ACBD4: variants seen among roughly 807,000 people sequenced by gnomAD.
The protein encoded by ACBD4 is acyl-CoA-binding domain-containing protein 4.
Under a neutral mutation model 46.0 loss-of-function variants are expected in ACBD4, and 41 were observed. The observed-to-expected ratio is 0.89, with a 90% CI of 0.69 to 1.16. The LOEUF is 1.16. Among genes scored for constraint, ACBD4 ranks in the 50% most tolerant of loss-of-function variants. The probability of loss-of-function intolerance (pLI) is 0.00; values close to 1 mark genes in which losing one functional copy is unlikely to be tolerated. For missense variants in ACBD4, 393 were observed against 399.5 expected (o/e 0.98, Z 0.14); for synonymous variants, 162 against 155.9 (o/e 1.04, Z -0.29).
At chr17:45,137,327 G>C in intron 5 of ACBD4, 41 bp from the exon 6 acceptor site, 2 of 1,611,140 alleles carry the variant, frequency 1.2e-6, no homozygotes, top group African/African-American at 2.7e-5. Context: ...GGAGGTGCCA[G>C]CCTCTCCCCA....
chr17:45,142,389 CAAAAAAAAAAAAAAAA>C (rs1161132274), intron 9 of ACBD4, among the ~76,000 whole-genome samples: 3 of 28,576 alleles, frequency 1.0e-4, no homozygotes, highest in Non-Finnish European at 1.7e-4. Flanking sequence ...CAAGACTCCT[CAAAAAAAAAAAAAAAA>C]AAAAAAAAAA....
At chr17:45,143,358 ATC>A in intron 9 of ACBD4, 83 bp from the exon 10 acceptor site, 1 of 1,204,506 alleles carries the variant, frequency 8.3e-7, no homozygotes, top group Non-Finnish European at 1.1e-6. Context: ...GGTCTTTCCA[ATC>A]TTCCACTGAA....
intron 8 of ACBD4, 26 bp from the exon 9 acceptor site, chr17:45,138,995 C>G: frequency 6.2e-7 from 1 of 1,611,178 alleles, no homozygotes; most frequent in Non-Finnish European, 8.5e-7. Flanking sequence ...CCTGAGCCCC[C>G]TTCCCTGTGT....
In ACBD4 at chr17:45,137,945, A is replaced by G. The variant is rs1259668410; in HGVS notation, c.606A>G (p.Gly202=). ...CAGAGCAGCGGGCAGCATCTGGAGGAAAGCGTGATCCCAGGAACAGCCCCG... is the reference window on the plus strand; with the variant it reads ...CAGAGCAGCGGGCAGCATCTGGAGGGAAGCGTGATCCCAGGAACAGCCCCG... ...VWTEQRAASG[G]KRDPRNSPVP... is the part of the protein sequence containing the mutation. The change falls in exon 8 of 10, where the codon GGA becomes GGG. Residue 202 remains glycine, a synonymous_variant. Coordinates refer to ENST00000321854, the MANE Select transcript of ACBD4 (RefSeq NM_001135705.3). 1.2e-6 allele frequency: 2 copies of G among 1,613,634 alleles called. No individual in the cohort carries two copies. Among genetic ancestry groups the G allele is most frequent in the Admixed American group, 3.3e-5 (2 of 59,974 alleles).
upstream of ACBD4, chr17:45,132,204 G>A (rs1259220339): frequency 1.6e-6 from 2 of 1,244,336 alleles, no homozygotes; most frequent in Non-Finnish European, 2.0e-6. The surrounding 1 kb of genome is among the most constrained non-coding windows in gnomAD (Gnocchi z 4.6). Context: ...TGGGCCTCTG[G>A]GAACGGTCCG....
upstream of ACBD4, among the ~76,000 whole-genome samples, chr17:45,134,972 C>CTT (rs71363517): frequency 1.3e-3 from 183 of 137,702 alleles, no homozygotes; most frequent in Middle Eastern, 3.8e-3. Flanking sequence ...TTTGCTTACT[C>CTT]TTTTTTTTTT....
Position 45,137,019 on chromosome 17 carries a change from G to A in ACBD4, c.295G>A (p.Val99Met). 2 of 1,614,088 alleles carry A rather than the reference G, an allele frequency of 1.2e-6. No homozygotes were observed. The highest frequency in any genetic ancestry group is 1.7e-6 in the Non-Finnish European group (2 of 1,179,996). ...CCCCAACAGACCCCCTCCCCTACAGGTGATCGACACAGTGCCCCTGGGTGA... is the reference window on the plus strand; with the variant it reads ...CCCCAACAGACCCCCTCCCCTACAGATGATCGACACAGTGCCCCTGGGTGA... ...ITEMKLVAQKVIDTVPLGEVA... is the reference protein window; with the variant it reads ...ITEMKLVAQKMIDTVPLGEVA... The change falls in exon 5 of 10, where the codon GTG becomes ATG. Residue 99 changes from valine (V) to methionine (M), a missense_variant and splice_region_variant. By Grantham distance (21) the Val-to-Met change is conservative (BLOSUM62 1). Around this residue, in one of 3 missense-constraint regions of ACBD4, gnomAD observed 308 missense variants for 301.8 expected, o/e 1.02. Coordinates refer to ENST00000321854, the MANE Select transcript of ACBD4 (RefSeq NM_001135705.3).
In ACBD4 at chr17:45,139,095, G is replaced by A; in HGVS notation, c.724G>A (p.Glu242Lys). 1 of 1,613,948 alleles carries A rather than the reference G, an allele frequency of 6.2e-7. No individual in the cohort carries two copies. Among genetic ancestry groups the A allele is most frequent in the Non-Finnish European group, 8.5e-7 (1 of 1,180,042 alleles). Residue 242 changes from glutamate (E) to lysine (K), a missense_variant, in exon 9 of 10, where the codon GAG becomes AAG. Physicochemically the swap from Glu to Lys is moderately conservative, Grantham distance 56. Around this residue, in one of 3 missense-constraint regions of ACBD4, gnomAD observed 308 missense variants for 301.8 expected, o/e 1.02. Transcript: ENST00000321854. Reference sequence around the variant, plus strand: ...GCTGGGGACAGTTCGAGCACTACAGGAGAGCATGCAGGAGGTGCAGGCGAG... The same window carrying A: ...GCTGGGGACAGTTCGAGCACTACAGAAGAGCATGCAGGAGGTGCAGGCGAG... ...WLLGTVRALQ[E>K]SMQEVQARVQ...
intron 7 of ACBD4, 24 bp downstream of exon 7, chr17:45,137,854 C>G (rs2054966966): frequency 1.9e-6 from 3 of 1,612,998 alleles, no homozygotes; most frequent in African/African-American, 2.7e-5. Context: ...CCATTCCCCC[C>G]TTTTCCCACC....
At chr17:45,135,123 G>C (rs958072233), upstream of ACBD4, among the ~76,000 whole-genome samples, 1 of 151,968 alleles carries the variant, frequency 6.6e-6, no homozygotes, top group Admixed American at 6.5e-5. Context: ...GCGCCACCAC[G>C]CCCGGCTAAT....
chr17:45,137,345 C>A, intron 5 of ACBD4, 23 bp from the exon 6 acceptor site: 1 of 1,613,926 alleles, frequency 6.2e-7, no homozygotes, highest in Non-Finnish European at 8.5e-7. Flanking sequence ...CCAGGCCCAC[C>A]TCTGGGTGCT....
Position 45,142,389 on chromosome 17 carries a change from C to CAA in ACBD4, c.790-1025_790-1024dup, listed in dbSNP as rs1161132274. ...GCCTGGGAGACAGAGCAAGACTCCT[C>CAA]AAAAAAAAAAAAAAAAAAAAAAAAA... On this transcript the variant is annotated intron_variant, in intron 9 of 9. Coordinates refer to ENST00000321854, the MANE Select transcript of ACBD4 (RefSeq NM_001135705.3). Among the ~76,000 whole-genome samples the CAA allele has an allele frequency of 8.3e-3, 238 of 28,562 alleles. 8 individuals are homozygous for CAA. Among genetic ancestry groups the CAA allele is most frequent in the African/African-American group, 0.016 (105 of 6,424 alleles). The allele number at this position is 28,562 out of a possible 152,430, so 18.7% of individuals were successfully genotyped here.
In ACBD4 at chr17:45,139,146, C is replaced by T. The variant is rs573177592; in HGVS notation, c.775C>T (p.Arg259Trp). 2.0e-5 allele frequency: 33 copies of T among 1,613,572 alleles called. No homozygotes were observed. Among genetic ancestry groups the T allele is most frequent in the South Asian group, 1.8e-4 (16 of 91,080 alleles). The change falls in exon 9 of 10, where the codon CGG (arginine) becomes TGG (tryptophan). Residue 259 changes from arginine (R) to tryptophan (W), a missense_variant. By Grantham distance (101) the Arg-to-Trp change is moderately radical (BLOSUM62 -3). Around this residue, in one of 3 missense-constraint regions of ACBD4, gnomAD observed 308 missense variants for 301.8 expected, o/e 1.02. Coordinates refer to ENST00000321854, the MANE Select transcript of ACBD4 (RefSeq NM_001135705.3). ...ARVQSLESMP[R>W]PPEQRPQPRP... ...GGTGCAGAGCCTGGAGAGCATGCCC[C>T]GGCCCCCTGAGCAGGTAGAGTCCCC...
upstream of ACBD4, chr17:45,132,954 C>G (rs1382840072): frequency 1.3e-5 from 2 of 152,844 alleles, no homozygotes; most frequent in East Asian, 3.8e-4. The surrounding 1 kb of genome is among the most constrained non-coding windows in gnomAD (Gnocchi z 4.6). Flanking sequence ...CCGCTCGGGG[C>G]AGCGCGAACC....
chr17:45,142,420 GAAAGAAAGAAAGAA>G (rs1197982991), intron 9 of ACBD4, among the ~76,000 whole-genome samples: 2 of 75,722 alleles, frequency 2.6e-5, no homozygotes, highest in African/African-American at 1.0e-4. Context: ...AAAAAAAAAA[GAAAGAAAGAAAGAA>G]AAAGAAAGAA....
At chr17:45,135,367 G>T (rs1297381120), upstream of ACBD4, 1 of 152,182 alleles carries the variant, frequency 6.6e-6, no homozygotes, top group African/African-American at 2.4e-5. Flanking sequence ...GAGCTGAGTG[G>T]GTTGCCTCGG....
At chr17:45,136,260 C>G (rs1176277050) in intron 2 of ACBD4, 28 bp downstream of exon 2, 1 of 1,610,292 alleles carries the variant, frequency 6.2e-7, no homozygotes, top group Non-Finnish European at 8.5e-7. Context: ...CGCATTTGGA[C>G]TCGCATTCAG....
At chr17:45,136,256 T>TGGACTCGCATTC in intron 2 of ACBD4, 24 bp downstream of exon 2, 1 of 1,610,812 alleles carries the variant, frequency 6.2e-7, no homozygotes, top group East Asian at 2.2e-5. Context: ...GACTCGCATT[T>TGGACTCGCATTC]GGACTCGCAT....
upstream of ACBD4, among the ~76,000 whole-genome samples, chr17:45,133,712 T>C (rs1440685813): frequency 6.6e-6 from 1 of 151,110 alleles, no homozygotes; most frequent in Admixed American, 6.6e-5. Context: ...TTTGTATTTT[T>C]AGTAGAGACG....
Sources: allele counts gnomAD v4.1 joint callset (sites outside exome capture counted in the v4.1 genomes callset), GRCh38; gene constraint gnomAD v4.1.1; regional missense constraint gnomAD v4.1.1; non-coding constraint Gnocchi (gnomAD v3.1); transcripts MANE v1.5; gene names NCBI Gene and HGNC (gene_info 2026-07-23, HGNC 2026-07-21).